The following UBE3C variants were observed in gnomAD, a reference collection of about 807,000 sequenced individuals.
The protein encoded by UBE3C is ubiquitin-protein ligase E3C.
In UBE3C, 42 loss-of-function variants were observed where a neutral mutation model predicts 129.4. The ratio of observed to expected loss-of-function variants is 0.32; its 90% CI spans 0.25 to 0.42. The LOEUF (loss-of-function observed/expected upper bound fraction) is 0.42, where lower values mean the gene tolerates loss of function less well. Ranked by LOEUF, UBE3C falls within the 10% of genes least tolerant of loss-of-function variation. The pLI is 1.00. For missense variants in UBE3C, 1,049 were observed against 1,319.1 expected, an observed-to-expected ratio of 0.80 and a Z score of 3.17; for synonymous variants, 510 against 492.4, an observed-to-expected ratio of 1.04 and a Z score of -0.47.
intron 16 of UBE3C, 127 bp from the exon 17 acceptor site, chr7:157,225,280 C>T (rs1563064062): frequency 2.9e-6 from 3 of 1,034,834 alleles, no homozygotes; most frequent in South Asian, 1.8e-5. Context: ...AGATTTGATA[C>T]CTTGACTATT....
At chr7:157,210,034 G>C (rs539524567) in intron 13 of UBE3C, among the ~76,000 whole-genome samples, 1 of 152,296 alleles carries the variant, frequency 6.6e-6, no homozygotes, top group African/African-American at 2.4e-5. Context: ...CAAAAAATTA[G>C]CTGGGCGTGA....
chr7:157,188,979 CCCTG>C, intron 10 of UBE3C: 1 of 629,076 alleles, frequency 1.6e-6, no homozygotes, highest in Non-Finnish European at 2.9e-6. Flanking sequence ...GACCTTTGTA[CCCTG>C]ACATGGAAAG....
intron 11 of UBE3C, among the ~76,000 whole-genome samples, chr7:157,206,108 A>G (rs1809425974): frequency 6.6e-6 from 1 of 151,940 alleles, no homozygotes; most frequent in South Asian, 2.1e-4. Context: ...GATTGATTTG[A>G]CTTGGTAGAG....
At chr7:157,249,532 C>T (rs1313499807) in intron 19 of UBE3C, among the ~76,000 whole-genome samples, 11 of 152,128 alleles carry the variant, frequency 7.2e-5, no homozygotes, top group African/African-American at 2.7e-4. Flanking sequence ...AGGCTGGTCT[C>T]GAACTCCCGA....
At chr7:157,256,425 G>T (rs1333387417) in intron 21 of UBE3C, among the ~76,000 whole-genome samples, 1 of 151,508 alleles carries the variant, frequency 6.6e-6, no homozygotes, top group African/African-American at 2.4e-5. Context: ...TTACAGGTGT[G>T]AGCCACTGTG....
rs992757931 is a variant in UBE3C at position 157,269,286 on chromosome 7, G to A, written c.*1531G>A. On this transcript the variant is annotated 3_prime_UTR_variant, in exon 23 of 23. Coordinates refer to ENST00000348165, the MANE Select transcript of UBE3C (RefSeq NM_014671.3). ...GAAATTGACAATTCACTTATTTGTGGTTTTTTTCTCAGCTATTCTGAGCTT... is the reference window on the plus strand; with the variant it reads ...GAAATTGACAATTCACTTATTTGTGATTTTTTTCTCAGCTATTCTGAGCTT... The A allele has an allele frequency of 2.6e-5, 4 of 152,244 alleles. No individual in the cohort carries two copies. The highest frequency in any genetic ancestry group is 5.9e-5 in the Non-Finnish European group (4 of 68,008). 9.4% of individuals were successfully genotyped at this position (152,244 alleles called of 1,614,324 possible).
chr7:157,177,422 C>T (rs796449582), intron 5 of UBE3C, among the ~76,000 whole-genome samples: 7 of 152,304 alleles, frequency 4.6e-5, no homozygotes, highest in East Asian at 1.9e-4. Context: ...TATGTTGTCT[C>T]TCACACGAGG....
intron 4 of UBE3C, among the ~76,000 whole-genome samples, chr7:157,172,650 C>G (rs1808409392): frequency 6.6e-6 from 1 of 152,118 alleles, no homozygotes; most frequent in South Asian, 2.1e-4. Flanking sequence ...TTGAATCTAC[C>G]CATTCTGGAC....
At chr7:157,217,731 G>A (rs1400048682) in intron 14 of UBE3C, among the ~76,000 whole-genome samples, 1 of 152,162 alleles carries the variant, frequency 6.6e-6, no homozygotes, top group African/African-American at 2.4e-5. Context: ...CAGCTACTCG[G>A]GAGGCTAAGG....
chr7:157,153,994 C>G (rs972634151), intron 1 of UBE3C, among the ~76,000 whole-genome samples: 1 of 140,176 alleles, frequency 7.1e-6, no homozygotes, highest in Non-Finnish European at 1.6e-5. Flanking sequence ...GAGGCCCTGT[C>G]TGGGGGGGGA....
chr7:157,264,271 G>T (rs955155432), intron 22 of UBE3C, among the ~76,000 whole-genome samples: 86 of 134,800 alleles, frequency 6.4e-4, no homozygotes, highest in Non-Finnish European at 1.2e-3. Context: ...GGTACTACAG[G>T]TGTAAGCCAA....
At chr7:157,178,569 A>G (rs1808585757) in intron 5 of UBE3C, 121 bp from the exon 6 acceptor site, 2 of 997,340 alleles carry the variant, frequency 2.0e-6, no homozygotes, top group Non-Finnish European at 1.4e-6. Context: ...AGATGTCCCT[A>G]TTTTCAGAGA....
At chr7:157,143,110 G>T (rs528713274) in intron 1 of UBE3C, among the ~76,000 whole-genome samples, 1 of 151,934 alleles carries the variant, frequency 6.6e-6, no homozygotes, top group Non-Finnish European at 1.5e-5. Flanking sequence ...CAGGTGATCC[G>T]CCTGCCTCAG....
chr7:157,230,907 G>A (rs1190640745), intron 17 of UBE3C, among the ~76,000 whole-genome samples, 173 bp from the exon 18 acceptor site: 4 of 152,096 alleles, frequency 2.6e-5, no homozygotes, highest in African/African-American at 4.8e-5. Flanking sequence ...CCTGGGTGAC[G>A]GAGCAAGACT....
At chr7:157,188,892 CT>C in intron 10 of UBE3C, 1 of 587,320 alleles carries the variant, frequency 1.7e-6, no homozygotes. Flanking sequence ...ATATTAGTCC[CT>C]TTTATTTTCA....
chr7:157,189,023 C>T (rs951464029), intron 10 of UBE3C: 81 of 534,498 alleles, frequency 1.5e-4, no homozygotes, highest in Non-Finnish European at 2.3e-4. Flanking sequence ...ACATGAAAAC[C>T]GGGAAGACAC....
At chr7:157,147,949 G>T (rs1297149584) in intron 1 of UBE3C, among the ~76,000 whole-genome samples, 3 of 152,098 alleles carry the variant, frequency 2.0e-5, no homozygotes, top group Admixed American at 2.0e-4. Flanking sequence ...TTGATATTTT[G>T]TTCAGGATTT....
intron 10 of UBE3C, among the ~76,000 whole-genome samples, chr7:157,188,462 C>A (rs1390160645): frequency 6.6e-6 from 1 of 152,190 alleles, no homozygotes; most frequent in Non-Finnish European, 1.5e-5. Context: ...TAGCTCTTTG[C>A]CGGCTAATTG....
rs968719581 is a variant in UBE3C, at chr7:157,198,010, C to T, written c.1332-3711C>T. ...TCTTGATCCTGATGGTCCTCCATATCCCAATTCACTTGGCCACCATGAACA... is the reference window on the plus strand; with the variant it reads ...TCTTGATCCTGATGGTCCTCCATATTCCAATTCACTTGGCCACCATGAACA... On this transcript the variant is annotated intron_variant, in intron 10 of 22. Coordinates refer to ENST00000348165, the MANE Select transcript of UBE3C (RefSeq NM_014671.3). 6.2e-6 allele frequency: 10 copies of T among 1,605,158 alleles called. No homozygotes were observed. The African/African-American group carries it at 1.3e-4, about 21-fold the overall frequency.
Sources: gnomAD v4.1 joint callset for allele counts (sites outside exome capture counted in the v4.1 genomes callset) on GRCh38, gnomAD v4.1.1 for gene constraint, MANE v1.5 for transcripts, NCBI Gene and HGNC (gene_info 2026-07-23, HGNC 2026-07-21) for gene names.